MAP2K5: variants seen among roughly 807,000 people sequenced by gnomAD.
The protein encoded by MAP2K5 is mitogen-activated protein kinase kinase 5.
A neutral mutation model predicts 83.1 loss-of-function variants in MAP2K5; 49 were observed. The observed-to-expected ratio is 0.59, with a 90% CI of 0.47 to 0.75. The LOEUF (loss-of-function observed/expected upper bound fraction) is 0.75, where lower values mean the gene tolerates loss of function less well. Among genes scored for constraint, MAP2K5 ranks in the 30% least tolerant of loss-of-function variants. The pLI, the probability that MAP2K5 is intolerant of heterozygous loss-of-function variation, is 0.00. For synonymous variants in MAP2K5, 202 were observed against 191.8 expected, an observed-to-expected ratio of 1.05 and a Z score of -0.44; for missense variants, 457 against 557.5, an observed-to-expected ratio of 0.82 and a Z score of 1.82.
intron 9 of MAP2K5, among the ~76,000 whole-genome samples, chr15:67,632,543 T>C (rs1043413435): frequency 6.6e-6 from 1 of 152,206 alleles, no homozygotes; most frequent in Non-Finnish European, 1.5e-5. Flanking sequence ...ATGTGAAATG[T>C]TCATCTGCCT....
At chr15:67,753,440 C>G in intron 19 of MAP2K5, among the ~76,000 whole-genome samples, 1 of 152,094 alleles carries the variant, frequency 6.6e-6, no homozygotes, top group Non-Finnish European at 1.5e-5. Context: ...AATCATATAT[C>G]TGATAAAGTC....
In MAP2K5 at chr15:67,746,054, C is replaced by G. The variant is rs541544188; in HGVS notation, c.1075-2177C>G. On this transcript the variant is annotated intron_variant, in intron 17 of 21. Coordinates refer to ENST00000178640, the MANE Select transcript of MAP2K5 (RefSeq NM_145160.3). The surrounding 1 kb of genome is among the most constrained non-coding windows in gnomAD (Gnocchi z 4.1). Reference sequence around the variant, plus strand: ...AAAAGACTTTGATATTGCTGTTTTTCTCTTTCTTTTAATGAAGAGCAAGCA... The same window carrying G: ...AAAAGACTTTGATATTGCTGTTTTTGTCTTTCTTTTAATGAAGAGCAAGCA... Among the ~76,000 whole-genome samples the G allele has an allele frequency of 8.5e-5, 13 of 152,210 alleles. No homozygotes were observed. The highest frequency in any genetic ancestry group is 3.1e-4 in the African/African-American group (13 of 41,538).
chr15:67,639,526 T>A (rs1279663426), intron 9 of MAP2K5, among the ~76,000 whole-genome samples: 3 of 152,170 alleles, frequency 2.0e-5, no homozygotes, highest in Non-Finnish European at 4.4e-5. Context: ...ACATAGGTAG[T>A]CTTGTTCTAA....
chr15:67,575,563 C>T (rs993561676), intron 3 of MAP2K5, among the ~76,000 whole-genome samples: 1 of 152,168 alleles, frequency 6.6e-6, no homozygotes, highest in African/African-American at 2.4e-5. Flanking sequence ...GTAACCCTAC[C>T]TATTTAGGTA....
chr15:67,769,540 G>C lies in MAP2K5; in HGVS notation c.1135-62G>C, dbSNP rs2090102017. ...CTCATCCTTCACATGGGTGGGTGGG[G>C]AATATAAAGAAAGAGAAGGAACTGT... is the stretch of plus-strand genomic sequence containing the variant. On this transcript the variant is annotated intron_variant, in intron 19 of 21. Coordinates refer to ENST00000178640, the MANE Select transcript of MAP2K5 (RefSeq NM_145160.3). The surrounding 1 kb of genome is among the most constrained non-coding windows in gnomAD (Gnocchi z 5.2). 1 of 1,437,902 alleles carries C rather than the reference G, an allele frequency of 7.0e-7. No individual in the cohort carries two copies. Among genetic ancestry groups the C allele is most frequent in the African/African-American group, 1.4e-5 (1 of 71,458 alleles). The allele number at this position is 1,437,902 out of a possible 1,614,324, so 89.1% of individuals were successfully genotyped here. A position where few individuals can be genotyped will look rare whatever the true frequency, so the allele number is the denominator to read the frequency against.
At chr15:67,631,720 A>C (rs1477383312) in intron 9 of MAP2K5, among the ~76,000 whole-genome samples, 1 of 152,192 alleles carries the variant, frequency 6.6e-6, no homozygotes, top group African/African-American at 2.4e-5. Context: ...CAGTCCTGCC[A>C]TGCCACTTTG....
At chr15:67,633,246 T>C (rs776180951) in intron 9 of MAP2K5, among the ~76,000 whole-genome samples, 2 of 152,236 alleles carry the variant, frequency 1.3e-5, no homozygotes, top group Non-Finnish European at 2.9e-5. Flanking sequence ...TGAGCACTAT[T>C]TTCCCATCCA....
At chr15:67,582,363 A>T (rs1043551685) in intron 4 of MAP2K5, among the ~76,000 whole-genome samples, 2 of 152,148 alleles carry the variant, frequency 1.3e-5, no homozygotes, top group African/African-American at 4.8e-5. Context: ...CCCAGCCAGG[A>T]GGCAGATTAT....
intron 2 of MAP2K5, among the ~76,000 whole-genome samples, chr15:67,558,501 G>T (rs1050124854): frequency 1.3e-5 from 2 of 152,126 alleles, no homozygotes; most frequent in African/African-American, 4.8e-5. Flanking sequence ...GATTCTTTTA[G>T]AAGTCAGGTG....
chr15:67,701,399 G>C (rs2088413398), intron 15 of MAP2K5, among the ~76,000 whole-genome samples: 1 of 152,142 alleles, frequency 6.6e-6, no homozygotes, highest in African/African-American at 2.4e-5. Context: ...TGTCTGCCTA[G>C]TACTCTCTTT....
At chr15:67,700,725 G>T (rs1236813547) in intron 15 of MAP2K5, among the ~76,000 whole-genome samples, 1 of 151,986 alleles carries the variant, frequency 6.6e-6, no homozygotes, top group African/African-American at 2.4e-5. Flanking sequence ...CTTAAGAGTT[G>T]TTTAGGATAG....
intron 8 of MAP2K5, among the ~76,000 whole-genome samples, chr15:67,621,062 T>TC (rs11449677): frequency 0.83 from 125,754 of 151,572 alleles, 53,085 homozygotes; most frequent in Middle Eastern, 0.93. Context: ...GGGAGAAAAT[T>TC]TAAAATACCA....
At chr15:67,703,507 C>T (rs2088472358) in intron 16 of MAP2K5, 99 bp downstream of exon 16, 1 of 974,540 alleles carries the variant, frequency 1.0e-6, no homozygotes, top group East Asian at 2.5e-5. Flanking sequence ...AATAAACCTT[C>T]AGCATGTTAT....
intron 9 of MAP2K5, chr15:67,641,473 C>T (rs535337066): frequency 4.0e-6 from 4 of 1,000,458 alleles, no homozygotes; most frequent in Non-Finnish European, 4.8e-6. Context: ...AGCAAATAAA[C>T]GAAGTCATCC....
intron 19 of MAP2K5, among the ~76,000 whole-genome samples, chr15:67,752,540 G>A (rs892575980): frequency 1.8e-4 from 27 of 151,486 alleles, no homozygotes; most frequent in African/African-American, 6.1e-4. Context: ...GAGCCGAGCC[G>A]GCTGGCAGGC....
chr15:67,645,520 T>A (rs2086811408), intron 9 of MAP2K5, among the ~76,000 whole-genome samples: 1 of 152,178 alleles, frequency 6.6e-6, no homozygotes. Context: ...TCATCCTCTC[T>A]GCTTATTGCC....
At chr15:67,557,264 AT>A (rs1421662768) in intron 2 of MAP2K5, among the ~76,000 whole-genome samples, 1 of 152,174 alleles carries the variant, frequency 6.6e-6, no homozygotes, top group Admixed American at 6.5e-5. Flanking sequence ...TGACTGTTGG[AT>A]TGGTGTTCGT....
intron 17 of MAP2K5, among the ~76,000 whole-genome samples, chr15:67,743,137 G>A (rs2141267283): frequency 6.6e-6 from 1 of 152,266 alleles, no homozygotes; most frequent in African/African-American, 2.4e-5. Context: ...CTAAATTCAG[G>A]GATATGTAGT....
At position 67,769,698 on chromosome 15, in the gene MAP2K5, G is replaced by A. The variant is rs2090105789; in HGVS notation, c.1196+35G>A. ...TTTACAAACATGCCATGCCCTCAAT[G>A]TAAATGATACATGCCATTAACTCGG... On this transcript the variant is annotated intron_variant, in intron 20 of 21. Coordinates refer to ENST00000178640, the MANE Select transcript of MAP2K5 (RefSeq NM_145160.3). This position sits in a 1 kb window ranked among gnomAD's most constrained non-coding sequence, Gnocchi z 5.2. 1 of 1,605,510 alleles carries A rather than the reference G, an allele frequency of 6.2e-7. No homozygotes were observed. Among genetic ancestry groups the A allele is most frequent in the Admixed American group, 1.7e-5 (1 of 59,924 alleles).
Sources: allele counts gnomAD v4.1 joint callset (sites outside exome capture counted in the v4.1 genomes callset), GRCh38; gene constraint gnomAD v4.1.1; non-coding constraint Gnocchi (gnomAD v3.1); transcripts MANE v1.5; gene names NCBI Gene and HGNC (gene_info 2026-07-23, HGNC 2026-07-21).